Variants in PRTFDC1 observed in about 807,000 individuals in gnomAD.
The protein encoded by PRTFDC1 is phosphoribosyltransferase domain-containing protein 1.
PRTFDC1 carries 38 observed loss-of-function variants against 34.6 expected under a neutral mutation model. The ratio of observed to expected loss-of-function variants is 1.10; its 90% CI spans 0.85 to 1.44. The LOEUF (loss-of-function observed/expected upper bound fraction) is 1.44. Among genes scored for constraint, PRTFDC1 ranks in the 40% most tolerant of loss-of-function variants. The pLI, the probability that PRTFDC1 is intolerant of heterozygous loss-of-function variation, is 0.00. For missense variants in PRTFDC1, 270 were observed against 283.0 expected (o/e 0.95, Z 0.33); for synonymous variants, 93 against 98.1 (o/e 0.95, Z 0.31).
intron 3 of PRTFDC1, among the ~76,000 whole-genome samples, chr10:24,921,717 A>G (rs973163333): frequency 2.0e-5 from 3 of 147,890 alleles, no homozygotes; most frequent in Middle Eastern, 3.5e-3. Context: ...TCTCTAGGAA[A>G]AAAAAAAAAA....
chr10:24,925,476 AAAAT>A (rs761872959), intron 3 of PRTFDC1, among the ~76,000 whole-genome samples: 9 of 152,226 alleles, frequency 5.9e-5, no homozygotes, highest in South Asian at 4.1e-4. Context: ...TATAATTAAA[AAAAT>A]AAATAAACCT....
chr10:24,900,267 G>C (rs1848427435), intron 3 of PRTFDC1, among the ~76,000 whole-genome samples: 1 of 152,210 alleles, frequency 6.6e-6, no homozygotes, highest in South Asian at 2.1e-4. Flanking sequence ...ATACTGAGCA[G>C]ATGTGAGAAA....
intron 3 of PRTFDC1, among the ~76,000 whole-genome samples, chr10:24,900,041 G>A (rs1331550826): frequency 6.6e-6 from 1 of 152,116 alleles, no homozygotes; most frequent in Admixed American, 6.5e-5. Flanking sequence ...ACTGCTAGCT[G>A]GTGACAGTTT....
chr10:24,931,913 G>GAAAAAAAAAAA, intron 3 of PRTFDC1, among the ~76,000 whole-genome samples: 2 of 132,288 alleles, frequency 1.5e-5, no homozygotes, highest in African/African-American at 3.1e-5. Flanking sequence ...GGCACTATAA[G>GAAAAAAAAAAA]AAAAAAAAAA....
intron 6 of PRTFDC1, among the ~76,000 whole-genome samples, chr10:24,855,622 T>C (rs1207381254): frequency 6.6e-6 from 1 of 151,876 alleles, no homozygotes; most frequent in Non-Finnish European, 1.5e-5. Flanking sequence ...GCGAGACCCC[T>C]GTCTCTACAA....
intron 3 of PRTFDC1, among the ~76,000 whole-genome samples, chr10:24,917,959 C>T (rs1208550487): frequency 6.6e-6 from 1 of 152,032 alleles, no homozygotes; most frequent in Non-Finnish European, 1.5e-5. Context: ...ACCTGGTGTC[C>T]GTGTTTTTGG....
intron 3 of PRTFDC1, among the ~76,000 whole-genome samples, chr10:24,875,249 C>A (rs1847942750): frequency 1.3e-5 from 2 of 152,192 alleles, no homozygotes; most frequent in African/African-American, 2.4e-5. Context: ...AGATATTTAT[C>A]ATTTCTTGTG....
chr10:24,922,062 C>G (rs916278404), intron 3 of PRTFDC1, among the ~76,000 whole-genome samples: 1 of 152,112 alleles, frequency 6.6e-6, no homozygotes, highest in African/African-American at 2.4e-5. Flanking sequence ...TTTTTCCCAC[C>G]AAATCCAAAT....
chr10:24,907,142 T>A (rs1186813954), intron 3 of PRTFDC1, among the ~76,000 whole-genome samples: 2 of 151,250 alleles, frequency 1.3e-5, no homozygotes, highest in Admixed American at 6.6e-5. Context: ...AGCCCAGGAG[T>A]CAGACACTGC....
chr10:24,855,768 C>G (rs927767914), intron 6 of PRTFDC1, among the ~76,000 whole-genome samples: 2 of 151,758 alleles, frequency 1.3e-5, no homozygotes, highest in Admixed American at 6.6e-5. Context: ...GCACTCCAGC[C>G]TAGGTGACAG....
intron 3 of PRTFDC1, among the ~76,000 whole-genome samples, chr10:24,904,043 A>C (rs1848492960): frequency 6.6e-6 from 1 of 152,010 alleles, no homozygotes; most frequent in African/African-American, 2.4e-5. Flanking sequence ...AAAAAGTATC[A>C]CTTTATTCCT....
intron 3 of PRTFDC1, among the ~76,000 whole-genome samples, chr10:24,936,622 C>T (rs762778586): frequency 7.2e-5 from 11 of 152,140 alleles, no homozygotes; most frequent in Non-Finnish European, 1.0e-4. Context: ...ATTAATTCTG[C>T]CCAGTGGTGC....
intron 4 of PRTFDC1, chr10:24,868,161 T>C (rs189121538): frequency 2.6e-5 from 4 of 152,312 alleles, no homozygotes; most frequent in East Asian, 1.9e-4. Flanking sequence ...CAGTGATAGC[T>C]ATGGAGGAGT....
chr10:24,858,989 G>T (rs1419057494), intron 4 of PRTFDC1, among the ~76,000 whole-genome samples: 2 of 152,128 alleles, frequency 1.3e-5, no homozygotes, highest in Non-Finnish European at 2.9e-5. Context: ...AGCTCTCAAG[G>T]CATTCCTCTA....
chr10:24,899,526 CTT>C (rs886474854), intron 3 of PRTFDC1, among the ~76,000 whole-genome samples: 73 of 152,196 alleles, frequency 4.8e-4, no homozygotes, highest in African/African-American at 1.7e-3. Context: ...CTCCACAAAA[CTT>C]AGGGGGTGGG....
chr10:24,885,636 C>T lies in PRTFDC1; in HGVS notation c.340-13573G>A, dbSNP rs548942887. Among the ~76,000 whole-genome samples the T allele has an allele frequency of 6.6e-5, 10 of 152,312 alleles. No homozygotes were observed. In the East Asian group the frequency reaches 1.7e-3, roughly 26 times the overall value. On this transcript the variant is annotated intron_variant, in intron 3 of 8. Coordinates refer to ENST00000320152, the MANE Select transcript of PRTFDC1 (RefSeq NM_020200.7). ...GGCCAAGCTGGTCTCAAACTCCTGA[C>T]CTCAAGTGATCTGCCTGCCTCGGCT...
intron 1 of PRTFDC1, among the ~76,000 whole-genome samples, chr10:24,942,708 G>T (rs543192218): frequency 5.8e-4 from 88 of 152,212 alleles, no homozygotes; most frequent in Admixed American, 1.0e-3. Context: ...AGTGCAGTGG[G>T]GTGATCTCAG....
At chr10:24,927,863 T>C (rs1848904980) in intron 3 of PRTFDC1, among the ~76,000 whole-genome samples, 1 of 152,056 alleles carries the variant, frequency 6.6e-6, no homozygotes, top group Admixed American at 6.6e-5. Flanking sequence ...CCTACAGGCG[T>C]GAGCTATTGC....
At chr10:24,926,583 A>G (rs1848879144) in intron 3 of PRTFDC1, among the ~76,000 whole-genome samples, 2 of 152,210 alleles carry the variant, frequency 1.3e-5, no homozygotes, top group South Asian at 4.1e-4. Flanking sequence ...TCCGGAGCTG[A>G]AGTGATCTGC....
Sources: allele counts gnomAD v4.1 joint callset (sites outside exome capture counted in the v4.1 genomes callset), GRCh38; gene constraint gnomAD v4.1.1; transcripts MANE v1.5; gene names NCBI Gene and HGNC (gene_info 2026-07-23, HGNC 2026-07-21).